NFIX: variants seen among roughly 807,000 people sequenced by gnomAD.
NFIX encodes the protein nuclear factor I X.
Under a neutral mutation model 53.3 loss-of-function variants are expected in NFIX, and 2 were observed. That is an observed-to-expected ratio of 0.04 (90% confidence interval 0.02 to 0.12). NFIX has a LOEUF of 0.12. Among genes scored for constraint, NFIX ranks in the 10% least tolerant of loss-of-function variants. The pLI is 1.00. For synonymous variants in NFIX, 244 were observed against 289.0 expected, an observed-to-expected ratio of 0.84 and a Z score of 1.58; for missense variants, 310 against 674.5, an observed-to-expected ratio of 0.46 and a Z score of 5.99.
chr19:13,004,766 C>T (rs184380157), intron 1 of NFIX, among the ~76,000 whole-genome samples: 217 of 150,024 alleles, frequency 1.4e-3, no homozygotes, highest in Non-Finnish European at 2.6e-3. Flanking sequence ...GCTCCACCCT[C>T]ACCTCCTTGC....
rs956373614 is a variant in NFIX at position 13,001,410 on chromosome 19, G to A, written c.27+5546G>A. Among the ~76,000 whole-genome samples, 47 of 151,936 alleles carry A rather than the reference G, an allele frequency of 3.1e-4. No individual in the cohort carries two copies. Among genetic ancestry groups the A allele is most frequent in the Admixed American group, 2.1e-3 (32 of 15,260 alleles). ...TATTTGGTAGTGGGGGTCGGGGAGC[G>A]TGCCACCATGCGTGTCAGTGTGCCG... On this transcript the variant is annotated intron_variant, in intron 1 of 10. Transcript: ENST00000592199. The surrounding 1 kb of genome is among the most constrained non-coding windows in gnomAD (Gnocchi z 6.5).
In NFIX at chr19:13,067,449, CGT is replaced by C. The variant is rs894053403; in HGVS notation, c.560-5590_560-5589del. Among the ~76,000 whole-genome samples the C allele has an allele frequency of 1.3e-5, 2 of 148,926 alleles. No homozygotes were observed. The highest frequency in any genetic ancestry group is 2.5e-5 in the African/African-American group (1 of 39,776). Reference sequence around the variant, plus strand: ...GGCAAGAAGTGGTTAGTGGCACCTCCGTGTGTGTGCGCGCGTGTGTGTGTGTG... The same window carrying C: ...GGCAAGAAGTGGTTAGTGGCACCTCCGTGTGTGCGCGCGTGTGTGTGTGTG... On this transcript the variant is annotated intron_variant, in intron 2 of 10. Coordinates refer to ENST00000592199, the MANE Select transcript of NFIX (RefSeq NM_001365902.3). This position sits in a 1 kb window ranked among gnomAD's most constrained non-coding sequence, Gnocchi z 4.2.
chr19:12,999,707 A>G (rs1426613994), intron 1 of NFIX, among the ~76,000 whole-genome samples: 1 of 152,196 alleles, frequency 6.6e-6, no homozygotes, highest in African/African-American at 2.4e-5. Flanking sequence ...CTGTATCTGC[A>G]TAGCTCCCCC....
chr19:13,000,493 T>TG (rs1353171258), intron 1 of NFIX, among the ~76,000 whole-genome samples: 1 of 133,774 alleles, frequency 7.5e-6, no homozygotes, highest in Non-Finnish European at 1.6e-5. Flanking sequence ...TACCTTTGGA[T>TG]GGGGGCCTGT....
chr19:13,022,594 G>GA lies in NFIX; in HGVS notation c.28-2416dup, dbSNP rs58733329. Among the ~76,000 whole-genome samples the GA allele has an allele frequency of 2.8e-4, 40 of 142,058 alleles. No individual in the cohort carries two copies. In the East Asian group the frequency reaches 3.2e-3, roughly 11 times the overall value. The allele number at this position is 142,058 out of a possible 152,430, so 93.2% of individuals were successfully genotyped here. A position where few individuals can be genotyped will look rare whatever the true frequency, so the allele number is the denominator to read the frequency against. On this transcript the variant is annotated intron_variant, in intron 1 of 10. Transcript: ENST00000592199. The surrounding 1 kb of genome is among the most constrained non-coding windows in gnomAD (Gnocchi z 4.5). The stretch of plus-strand genomic sequence containing the variant: ...CTCGCCCCTGTGTGCTCCATAGGAA[G>GA]AAAAAAAAAAAGAAAGAAAGAAATA...
rs551703245 is a variant in NFIX at position 13,002,974 on chromosome 19, C to T, written c.27+7110C>T. 1.3e-5 allele frequency among the ~76,000 whole-genome samples: 2 copies of T among 152,250 alleles called. No individual in the cohort carries two copies. The highest frequency in any genetic ancestry group is 2.4e-5 in the African/African-American group (1 of 41,544). On this transcript the variant is annotated intron_variant, in intron 1 of 10. Transcript: ENST00000592199. This position sits in a 1 kb window ranked among gnomAD's most constrained non-coding sequence, Gnocchi z 6.1. ...GTGTGAGCCAAGCTGGAGGAAAGGA[C>T]AGCATGGAGGTGCACCCGACCCCCC...
At position 13,081,662 on chromosome 19, in the gene NFIX, C is replaced by T. The variant is rs2017473693; in HGVS notation, c.1079-18C>T. The T allele has an allele frequency of 6.2e-7, 1 of 1,608,680 alleles. No individual in the cohort carries two copies. The highest frequency in any genetic ancestry group is 1.3e-5 in the African/African-American group (1 of 74,760). On this transcript the variant is annotated intron_variant, in intron 7 of 10. Transcript: ENST00000592199. This position sits in a 1 kb window ranked among gnomAD's most constrained non-coding sequence, Gnocchi z 4.7. The stretch of plus-strand genomic sequence containing the variant: ...CCTTGGCCCTGACGCCCTTTTTTCC[C>T]TGCCCACGTGCATGCAGGGAGCCCC...
rs1003680496 is a variant in NFIX, at chr19:13,073,728, T to C, written c.698-178T>C. Among the ~76,000 whole-genome samples, 1 of 152,116 alleles carries C rather than the reference T, an allele frequency of 6.6e-6. No homozygotes were observed. Among genetic ancestry groups the C allele is most frequent in the African/African-American group, 2.4e-5 (1 of 41,428 alleles). On this transcript the variant is annotated intron_variant, in intron 4 of 10. Coordinates refer to ENST00000592199, the MANE Select transcript of NFIX (RefSeq NM_001365902.3). This position sits in a 1 kb window ranked among gnomAD's most constrained non-coding sequence, Gnocchi z 4.5. ...AGAAAAAGTCACAACCAAAGGCTCT[T>C]CTGTGACCCACTAGCTGGGAGGAGG...
intron 2 of NFIX, among the ~76,000 whole-genome samples, chr19:13,059,917 G>A (rs1568302842): frequency 6.6e-6 from 1 of 151,478 alleles, no homozygotes. Context: ...CCAAGTAGCT[G>A]GGACTAGAGG....
intron 1 of NFIX, among the ~76,000 whole-genome samples, chr19:13,020,134 A>G (rs2012890223): frequency 6.6e-6 from 1 of 152,114 alleles, no homozygotes; most frequent in African/African-American, 2.4e-5. Context: ...TTGGTGCAGG[A>G]TGTAAAGCGG....
Position 13,045,067 on chromosome 19 carries a change from G to T in NFIX, c.559+19515G>T, listed in dbSNP as rs193003934. 7.9e-5 allele frequency among the ~76,000 whole-genome samples: 12 copies of T among 152,328 alleles called. No individual in the cohort carries two copies. In the East Asian group the frequency reaches 2.3e-3, roughly 29 times the overall value. On this transcript the variant is annotated intron_variant, in intron 2 of 10. Coordinates refer to ENST00000592199, the MANE Select transcript of NFIX (RefSeq NM_001365902.3). This position sits in a 1 kb window ranked among gnomAD's most constrained non-coding sequence, Gnocchi z 4.4. ...CCGCCGGCAGCTCAGATACCTGGGAGCAGCACAGGGCTCAGCACCCTGACC... is the reference window on the plus strand; with the variant it reads ...CCGCCGGCAGCTCAGATACCTGGGATCAGCACAGGGCTCAGCACCCTGACC...
rs1389814786 is a variant in NFIX at position 13,052,772 on chromosome 19, C to T, written c.560-20275C>T. 6.6e-6 allele frequency among the ~76,000 whole-genome samples: 1 copy of T among 152,196 alleles called. No individual in the cohort carries two copies. Among genetic ancestry groups the T allele is most frequent in the Non-Finnish European group, 1.5e-5 (1 of 68,032 alleles). Reference sequence around the variant, plus strand: ...CTCGGCTCCAGGGCCGTGAGGTTGGCACCCCCTGCACCCGTCCACACACAC... The same window carrying T: ...CTCGGCTCCAGGGCCGTGAGGTTGGTACCCCCTGCACCCGTCCACACACAC... On this transcript the variant is annotated intron_variant, in intron 2 of 10. Coordinates refer to ENST00000592199, the MANE Select transcript of NFIX (RefSeq NM_001365902.3). The surrounding 1 kb of genome is among the most constrained non-coding windows in gnomAD (Gnocchi z 5.2).
intron 1 of NFIX, chr19:13,024,710 G>A (rs1568267645): frequency 9.1e-6 from 14 of 1,536,356 alleles, no homozygotes; most frequent in Non-Finnish European, 1.1e-5. Flanking sequence ...CGTTGTCTGT[G>A]CGCGTGTGTG....
intron 1 of NFIX, among the ~76,000 whole-genome samples, chr19:13,015,806 A>G (rs2012631472): frequency 6.9e-6 from 1 of 143,944 alleles, no homozygotes; most frequent in South Asian, 2.3e-4. Flanking sequence ...ACACACACAC[A>G]CACACACGCA....
At position 13,095,254 on chromosome 19, in the gene NFIX, G is replaced by C. The variant is rs1314194242; in HGVS notation, c.*605G>C. ...TCCCCCAGCTGCTCCCGACCAGGAG[G>C]GGGAGAGCAGCCTCCACTTACCCCA... is the stretch of plus-strand genomic sequence containing the variant. On this transcript the variant is annotated 3_prime_UTR_variant, in exon 11 of 11. Coordinates refer to ENST00000592199, the MANE Select transcript of NFIX (RefSeq NM_001365902.3). The C allele has an allele frequency of 3.3e-5, 5 of 151,022 alleles. No homozygotes were observed. The highest frequency in any genetic ancestry group is 4.9e-5 in the African/African-American group (2 of 41,136). The allele number at this position is 151,022 out of a possible 1,614,324, so 9.4% of individuals were successfully genotyped here. A position where few individuals can be genotyped will look rare whatever the true frequency, so the allele number is the denominator to read the frequency against.
Position 13,005,592 on chromosome 19 carries a change from T to C in NFIX, c.27+9728T>C, listed in dbSNP as rs2011968890. The stretch of plus-strand genomic sequence containing the variant: ...TGAAAACCTGCTTTGATTTTATGGA[T>C]GAAAAACCAAGACTCAGTAGAGGTA... On this transcript the variant is annotated intron_variant, in intron 1 of 10. Transcript: ENST00000592199. This position sits in a 1 kb window ranked among gnomAD's most constrained non-coding sequence, Gnocchi z 4.7. Among the ~76,000 whole-genome samples the C allele has an allele frequency of 6.6e-6, 1 of 152,152 alleles. No individual in the cohort carries two copies.
At chr19:13,024,774 C>T (rs2145189653) in intron 1 of NFIX, 2 of 1,500,180 alleles carry the variant, frequency 1.3e-6, no homozygotes, top group Non-Finnish European at 1.8e-6. Flanking sequence ...GCTCCCGGTG[C>T]CTCTGTCTGG....
intron 6 of NFIX, among the ~76,000 whole-genome samples, chr19:13,076,793 C>G (rs2017129818): frequency 6.6e-6 from 1 of 152,228 alleles, no homozygotes; most frequent in Non-Finnish European, 1.5e-5. Flanking sequence ...TGCTTTTCTG[C>G]TGCCCCAGAA....
rs1285038494 is a variant in NFIX, at chr19:13,068,421, G to C, written c.560-4626G>C. 6.6e-6 allele frequency among the ~76,000 whole-genome samples: 1 copy of C among 152,228 alleles called. No individual in the cohort carries two copies. Among genetic ancestry groups the C allele is most frequent in the Non-Finnish European group, 1.5e-5 (1 of 68,034 alleles). On this transcript the variant is annotated intron_variant, in intron 2 of 10. Transcript: ENST00000592199. The surrounding 1 kb of genome is among the most constrained non-coding windows in gnomAD (Gnocchi z 4.2). ...AAGTAAGGTGGGGACTTGTTCCAGG[G>C]GCTGAGAAGGGGAGCTGGTGTGGGT...
Sources: allele counts gnomAD v4.1 joint callset (sites outside exome capture counted in the v4.1 genomes callset), GRCh38; gene constraint gnomAD v4.1.1; non-coding constraint Gnocchi (gnomAD v3.1); transcripts MANE v1.5; gene names NCBI Gene and HGNC (gene_info 2026-07-23, HGNC 2026-07-21).